Variants in TLE1 observed in about 807,000 individuals in gnomAD.
TLE1 encodes the protein transducin-like enhancer protein 1.
TLE1 carries 21 observed loss-of-function variants against 89.8 expected under a neutral mutation model. The ratio of observed to expected loss-of-function variants is 0.23; its 90% CI spans 0.17 to 0.34. The LOEUF is 0.34. TLE1 is among the 10% of genes least tolerant of loss of function. The pLI is 1.00. For missense variants in TLE1, 795 were observed against 1,031.2 expected, an observed-to-expected ratio of 0.77 and a Z score of 3.14; for synonymous variants, 447 against 407.6, an observed-to-expected ratio of 1.10 and a Z score of -1.16.
chr9:81,584,965 CCCATCCATCCAT>C (rs58907018), intron 18 of TLE1, among the ~76,000 whole-genome samples: 28 of 149,378 alleles, frequency 1.9e-4, no homozygotes, highest in Non-Finnish European at 3.0e-4. Flanking sequence ...CACTCATCCA[CCCATCCATCCAT>C]CCATCCATCC....
Position 81,584,492 on chromosome 9 carries a change from G to C in TLE1, c.2161C>G (p.Leu721Val). ...KWFVSTGKDNLLNAWRTPYGA... is the reference protein window; with the variant it reads ...KWFVSTGKDNVLNAWRTPYGA... ...TAGGGGGTCCGCCAAGCATTGAGGA[G>C]GTTATCTTTTCCAGTACTCACAAAC... The change falls in exon 19 of 20, where the codon CTC (leucine) becomes GTC (valine). Residue 721 changes from leucine to valine, a missense_variant. By Grantham distance (32) the Leu-to-Val change is conservative. Coordinates refer to ENST00000376499, the MANE Select transcript of TLE1 (RefSeq NM_005077.5). 1 of 1,614,130 alleles carries C rather than the reference G, an allele frequency of 6.2e-7. No homozygotes were observed. The highest frequency in any genetic ancestry group is 2.2e-5 in the East Asian group (1 of 44,880).
intron 18 of TLE1, among the ~76,000 whole-genome samples, chr9:81,584,784 C>T (rs1341794275): frequency 6.6e-6 from 1 of 152,012 alleles, no homozygotes; most frequent in Non-Finnish European, 1.5e-5. Flanking sequence ...CACGGTAACC[C>T]TCAAATATAG....
At chr9:81,660,604 G>A (rs867971242) in intron 4 of TLE1, among the ~76,000 whole-genome samples, 1 of 150,690 alleles carries the variant, frequency 6.6e-6, no homozygotes, top group Non-Finnish European at 1.5e-5. Flanking sequence ...TTTTAGTAGA[G>A]ACGGGGTTTC....
chr9:81,585,766 A>G, intron 17 of TLE1, 111 bp from the exon 18 acceptor site: 4 of 1,383,036 alleles, frequency 2.9e-6, no homozygotes, highest in Non-Finnish European at 2.9e-6. Flanking sequence ...TAATCAGCCA[A>G]GTCCAGACTG....
intron 8 of TLE1, among the ~76,000 whole-genome samples, chr9:81,632,372 T>C (rs1826754011): frequency 6.6e-6 from 1 of 151,812 alleles, no homozygotes; most frequent in Non-Finnish European, 1.5e-5. Flanking sequence ...ATTTTAAAAG[T>C]AGCTACTATT....
In TLE1 at chr9:81,680,660, C is replaced by CTAAT. The variant is rs541162145; in HGVS notation, c.234+5012_234+5015dup. On this transcript the variant is annotated intron_variant, in intron 4 of 19. Coordinates refer to ENST00000376499, the MANE Select transcript of TLE1 (RefSeq NM_005077.5). The stretch of plus-strand genomic sequence containing the variant: ...CCTGCTTGCTGATAAGAAACAAAGG[C>CTAAT]TAATCTTGCACCTCGGAATCTAGGC... Among the ~76,000 whole-genome samples the CTAAT allele has an allele frequency of 2.6e-4, 39 of 152,084 alleles. 1 individual carries two copies. Among genetic ancestry groups the CTAAT allele is most frequent in the Non-Finnish European group, 4.6e-4 (31 of 68,024 alleles).
intron 4 of TLE1, among the ~76,000 whole-genome samples, chr9:81,672,976 A>G (rs1020007737): frequency 1.4e-4 from 21 of 152,224 alleles, no homozygotes; most frequent in African/African-American, 4.3e-4. Context: ...CTTAGACAAT[A>G]AAGACTGCCA....
At chr9:81,654,169 T>A in intron 4 of TLE1, 133 bp from the exon 5 acceptor site, 2 of 727,556 alleles carry the variant, frequency 2.7e-6, no homozygotes, top group Non-Finnish European at 4.5e-6. Context: ...TTCCCCAGGT[T>A]ATGTTACTAA....
intron 4 of TLE1, among the ~76,000 whole-genome samples, chr9:81,685,410 T>G (rs1227272782): frequency 6.6e-6 from 1 of 152,144 alleles, no homozygotes; most frequent in Non-Finnish European, 1.5e-5. Flanking sequence ...AAAAGTAAAC[T>G]CAAGTCTTAA....
intron 15 of TLE1, among the ~76,000 whole-genome samples, chr9:81,591,848 A>T (rs1415657362): frequency 6.6e-6 from 1 of 152,156 alleles, no homozygotes; most frequent in Non-Finnish European, 1.5e-5. Flanking sequence ...TAACTACTCT[A>T]AAAAAAGTCT....
At chr9:81,587,970 G>A in intron 16 of TLE1, 142 bp from the exon 17 acceptor site, 1 of 794,894 alleles carries the variant, frequency 1.3e-6, no homozygotes, top group Non-Finnish European at 1.8e-6. Context: ...CTGCTGATGT[G>A]CAAGATCAAA....
intron 16 of TLE1, among the ~76,000 whole-genome samples, chr9:81,589,280 C>T (rs993447672): frequency 2.6e-5 from 4 of 152,200 alleles, no homozygotes; most frequent in Non-Finnish European, 5.9e-5. Context: ...TGCTGACATA[C>T]AGTACCTGGC....
At chr9:81,592,422 A>C (rs2131835962) in intron 15 of TLE1, among the ~76,000 whole-genome samples, 1 of 152,306 alleles carries the variant, frequency 6.6e-6, no homozygotes, top group East Asian at 1.9e-4. Flanking sequence ...AAAAATGCTA[A>C]ATGGTATTCT....
Position 81,584,118 on chromosome 9 carries a change from A to T in TLE1, c.*80T>A. 1 of 1,317,882 alleles carries T rather than the reference A, an allele frequency of 7.6e-7. No individual in the cohort carries two copies. Among genetic ancestry groups the T allele is most frequent in the Non-Finnish European group, 1.1e-6 (1 of 923,666 alleles). 81.6% of individuals were successfully genotyped at this position (1,317,882 alleles called of 1,614,324 possible). Reference sequence around the variant, plus strand: ...GTGTTTGTAATTTTTTTTCTCTTTTAAAGTTACAACTTTTCTATTTCTATA... The same window carrying T: ...GTGTTTGTAATTTTTTTTCTCTTTTTAAGTTACAACTTTTCTATTTCTATA... On this transcript the variant is annotated 3_prime_UTR_variant, in exon 20 of 20. Coordinates refer to ENST00000376499, the MANE Select transcript of TLE1 (RefSeq NM_005077.5).
rs1330399132 is a variant in TLE1 at position 81,689,521 on chromosome 9, G to A, written c.-1281C>T. Among the ~76,000 whole-genome samples the A allele has an allele frequency of 2.0e-5, 3 of 152,084 alleles. No individual in the cohort carries two copies. Among genetic ancestry groups the A allele is most frequent in the African/African-American group, 7.2e-5 (3 of 41,412 alleles). On this transcript the variant is annotated 5_prime_UTR_variant, in exon 1 of 20. Transcript: ENST00000376499. ...AGCCGCCGCTCCCACCGCCGCCGCC[G>A]CCCGCGCCTCTCGCGCCGCTTACAT...
chr9:81,669,116 G>A (rs1177372517), intron 4 of TLE1, among the ~76,000 whole-genome samples: 1 of 152,206 alleles, frequency 6.6e-6, no homozygotes, highest in Non-Finnish European at 1.5e-5. Flanking sequence ...CCTTCTGGAA[G>A]AACAGAAAAG....
At chr9:81,618,850 G>A (rs1027784963) in intron 9 of TLE1, among the ~76,000 whole-genome samples, 2 of 152,068 alleles carry the variant, frequency 1.3e-5, no homozygotes, top group Non-Finnish European at 2.9e-5. Flanking sequence ...GCTTTGTACC[G>A]GACCCTTCTG....
At chr9:81,617,775 C>CAG (rs528652125) in intron 9 of TLE1, among the ~76,000 whole-genome samples, 194 of 152,084 alleles carry the variant, frequency 1.3e-3, no homozygotes, top group African/African-American at 4.2e-3. Context: ...CCTATAATCC[C>CAG]AGCACTTTGG....
At chr9:81,630,325 CAAT>C (rs2132305619) in intron 8 of TLE1, among the ~76,000 whole-genome samples, 1 of 152,222 alleles carries the variant, frequency 6.6e-6, no homozygotes, top group African/African-American at 2.4e-5. Context: ...CTTTAAAACT[CAAT>C]AAACTACAAG....
Sources: gnomAD v4.1 joint callset for allele counts (sites outside exome capture counted in the v4.1 genomes callset) on GRCh38, gnomAD v4.1.1 for gene constraint, MANE v1.5 for transcripts, NCBI Gene and HGNC (gene_info 2026-07-23, HGNC 2026-07-21) for gene names.